PDK1: variants seen among roughly 807,000 people sequenced by gnomAD.
PDK1 encodes pyruvate dehydrogenase kinase 1, also known as [Pyruvate dehydrogenase (acetyl-transferring)] kinase isozyme 1, mitochondrial.
In PDK1, 39 loss-of-function variants were observed where a neutral mutation model predicts 54.2. That is an observed-to-expected ratio of 0.72 (90% CI 0.56 to 0.94). The LOEUF (loss-of-function observed/expected upper bound fraction) is 0.94. PDK1 is among the 40% of genes least tolerant of loss of function. The pLI, the probability that PDK1 is intolerant of heterozygous loss-of-function variation, is 0.00. For missense variants in PDK1, 552 were observed against 566.0 expected, an observed-to-expected ratio of 0.98 and a Z score of 0.25; for synonymous variants, 221 against 207.1, an observed-to-expected ratio of 1.07 and a Z score of -0.58.
At chr2:172,711,343 A>G in the PDK1 span, among the ~76,000 whole-genome samples, 2 of 152,056 alleles carry the variant, frequency 1.3e-5, no homozygotes, top group African/African-American at 4.8e-5. Flanking sequence ...CCTACCTTCC[A>G]CCCTCACAGT....
At chr2:172,619,138 C>T in the PDK1 span, among the ~76,000 whole-genome samples, 1 of 152,176 alleles carries the variant, frequency 6.6e-6, no homozygotes, top group African/African-American at 2.4e-5. Context: ...TACAGGAAAT[C>T]ATTCTGCCAC....
chr2:172,562,374 C>G (rs913492912), intron 3 of PDK1, 83 bp downstream of exon 3: 2 of 836,274 alleles, frequency 2.4e-6, no homozygotes, highest in South Asian at 1.4e-5. Flanking sequence ...GTTTCTACTA[C>G]TTTAGAACAT....
At chr2:172,627,374 T>G in the PDK1 span, among the ~76,000 whole-genome samples, 1 of 152,218 alleles carries the variant, frequency 6.6e-6, no homozygotes, top group Non-Finnish European at 1.5e-5. Flanking sequence ...TGGTAGAGTT[T>G]ATAGAAATGA....
At chr2:172,621,974 A>G in the PDK1 span, among the ~76,000 whole-genome samples, 3 of 149,056 alleles carry the variant, frequency 2.0e-5, no homozygotes, top group African/African-American at 4.9e-5. Flanking sequence ...CATATGATGT[A>G]TGTTTATATC....
At chr2:172,611,022 G>C (rs535024066), downstream of PDK1, among the ~76,000 whole-genome samples, 2 of 152,276 alleles carry the variant, frequency 1.3e-5, no homozygotes, top group East Asian at 1.9e-4. Flanking sequence ...TTTTTATTTT[G>C]TCGAATTTAT....
chr2:172,696,831 A>T, the PDK1 span, among the ~76,000 whole-genome samples: 3 of 152,132 alleles, frequency 2.0e-5, no homozygotes, highest in Admixed American at 2.0e-4. Context: ...ATCTTATAGG[A>T]TCCTTGTAGT....
At chr2:172,556,087 A>C, upstream of PDK1, 1 of 1,221,746 alleles carries the variant, frequency 8.2e-7, no homozygotes, top group Non-Finnish European at 1.1e-6. Context: ...TCCCTCACGT[A>C]CCACTCGGCA....
At position 172,566,927 on chromosome 2, in the gene PDK1, C is replaced by T. The variant is rs1250197783; in HGVS notation, c.763C>T (p.Leu255=). 2 of 1,598,524 alleles carry T rather than the reference C, an allele frequency of 1.3e-6. No individual in the cohort carries two copies. The highest frequency in any genetic ancestry group is 2.7e-5 in the African/African-American group (2 of 74,706). ...CTCTCCCGAACTAGAACTTGAAGAA[C>T]TAAATGGTAAGCCTGATGTTGTCTT... ...INSPELELEE[L]NAKSPGQPIQ... is the part of the protein sequence containing the mutation. The change falls in exon 6 of 11, where the codon CTA becomes TTA. Residue 255 remains leucine (L), a synonymous_variant. Transcript: ENST00000282077.
chr2:172,593,400 G>T (rs1248463735), intron 10 of PDK1, among the ~76,000 whole-genome samples: 1 of 152,092 alleles, frequency 6.6e-6, no homozygotes, highest in Non-Finnish European at 1.5e-5. Context: ...TTGTATATGG[G>T]TCTGCAGATT....
At chr2:172,630,805 T>C in the PDK1 span, among the ~76,000 whole-genome samples, 2 of 152,118 alleles carry the variant, frequency 1.3e-5, no homozygotes, top group Non-Finnish European at 2.9e-5. Context: ...AATTTTTTAT[T>C]TTTTGGTAGA....
the PDK1 span, among the ~76,000 whole-genome samples, chr2:172,633,630 CCAGCCTTGCAGATGAACAAATATTGA>C: frequency 1.3e-5 from 2 of 150,778 alleles, no homozygotes; most frequent in Non-Finnish European, 3.0e-5. Context: ...CTCCCATAAG[CCAGCCTTGCAGATGAACAAATATTGA>C]CATTTTATAT....
chr2:172,578,623 T>C (rs1230040846), intron 8 of PDK1, among the ~76,000 whole-genome samples: 1 of 152,212 alleles, frequency 6.6e-6, no homozygotes, highest in Non-Finnish European at 1.5e-5. Flanking sequence ...TTTTTTGTTT[T>C]TTTCATATCT....
At chr2:172,564,853 A>C in intron 4 of PDK1, 125 bp from the exon 5 acceptor site, 1 of 863,992 alleles carries the variant, frequency 1.2e-6, no homozygotes, top group Non-Finnish European at 1.8e-6. Flanking sequence ...ATTGAATGTA[A>C]AATACTATGT....
In PDK1 at chr2:172,556,101, G is replaced by C. The variant is rs1395750748; in HGVS notation, c.-50G>C. On this transcript the variant is annotated 5_prime_UTR_variant, in exon 1 of 11. Transcript: ENST00000282077. Reference sequence around the variant, plus strand: ...GTCCCTCACGTACCACTCGGCAGAGGCGCGGGGAAACCTGGCGTACTGGCT... The same window carrying C: ...GTCCCTCACGTACCACTCGGCAGAGCCGCGGGGAAACCTGGCGTACTGGCT... 7.6e-7 allele frequency: 1 copy of C among 1,313,322 alleles called. No individual in the cohort carries two copies. Among genetic ancestry groups the C allele is most frequent in the Non-Finnish European group, 9.8e-7 (1 of 1,022,952 alleles). 81.4% of individuals were successfully genotyped at this position (1,313,322 alleles called of 1,614,324 possible).
the PDK1 span, among the ~76,000 whole-genome samples, chr2:172,615,733 A>G: frequency 6.6e-6 from 1 of 152,218 alleles, no homozygotes; most frequent in Non-Finnish European, 1.5e-5. Context: ...TTTGAAACAA[A>G]TCAATTATGC....
chr2:172,596,074 C>A lies in PDK1; in HGVS notation c.*105C>A. ...CCAAGTACTTTATTTATCGTTTTCA[C>A]AAAACTATTTGAGTAGAATAAATGG... On this transcript the variant is annotated 3_prime_UTR_variant, in exon 11 of 11. Transcript: ENST00000282077. 1 of 975,680 alleles carries A rather than the reference C, an allele frequency of 1.0e-6. No individual in the cohort carries two copies. Among genetic ancestry groups the A allele is most frequent in the Non-Finnish European group, 1.5e-6 (1 of 680,442 alleles). The allele number at this position is 975,680 out of a possible 1,614,324, so 60.4% of individuals were successfully genotyped here.
At chr2:172,697,018 C>T in the PDK1 span, among the ~76,000 whole-genome samples, 1 of 152,114 alleles carries the variant, frequency 6.6e-6, no homozygotes, top group African/African-American at 2.4e-5. Context: ...AAAGCACTTA[C>T]TTATTAATAT....
chr2:172,578,612 C>CT (rs945590266), intron 8 of PDK1, among the ~76,000 whole-genome samples: 104 of 151,854 alleles, frequency 6.8e-4, no homozygotes, highest in Non-Finnish European at 1.0e-4. Context: ...ATGGGCAATA[C>CT]TTTTTTGTTT....
intron 8 of PDK1, 24 bp downstream of exon 8, chr2:172,570,848 TTC>T (rs781760777): frequency 5.0e-6 from 7 of 1,400,894 alleles, no homozygotes; most frequent in Admixed American, 3.8e-5. Context: ...ATGGTTTGTT[TTC>T]TTTTTTTTTT....
Sources: allele counts gnomAD v4.1 joint callset (sites outside exome capture counted in the v4.1 genomes callset), GRCh38; gene constraint gnomAD v4.1.1; transcripts MANE v1.5; gene names NCBI Gene and HGNC (gene_info 2026-07-23, HGNC 2026-07-21).